Variants in DENND1A observed in about 807,000 individuals in gnomAD.
DENND1A encodes the protein DENN domain-containing protein 1A.
Under a neutral mutation model 113.7 loss-of-function variants are expected in DENND1A, and 51 were observed. The ratio of observed to expected loss-of-function variants is 0.45; its 90% CI spans 0.36 to 0.57. The LOEUF (loss-of-function observed/expected upper bound fraction) is 0.57. DENND1A is among the 20% of genes least tolerant of loss of function. The pLI, the probability that DENND1A is intolerant of heterozygous loss-of-function variation, is 0.00. For missense variants in DENND1A, 1,258 were observed against 1,395.9 expected, an observed-to-expected ratio of 0.90 and a Z score of 1.57; for synonymous variants, 565 against 570.8, an observed-to-expected ratio of 0.99 and a Z score of 0.14.
At chr9:123,837,780 G>A (rs535168558) in intron 2 of DENND1A, among the ~76,000 whole-genome samples, 1 of 152,126 alleles carries the variant, frequency 6.6e-6, no homozygotes, top group Non-Finnish European at 1.5e-5. Context: ...AAGAAAAACA[G>A]TGCTAGTCTA....
At chr9:123,762,426 A>G (rs1433080487) in intron 4 of DENND1A, among the ~76,000 whole-genome samples, 1 of 152,218 alleles carries the variant, frequency 6.6e-6, no homozygotes, top group African/African-American at 2.4e-5. Context: ...GGGCCTCTCC[A>G]GTAGCATTTT....
intron 13 of DENND1A, among the ~76,000 whole-genome samples, chr9:123,511,939 C>T (rs999553495): frequency 1.3e-5 from 2 of 152,196 alleles, no homozygotes; most frequent in Non-Finnish European, 2.9e-5. Context: ...CTCCACTCTG[C>T]TTACATGTGG....
intron 9 of DENND1A, among the ~76,000 whole-genome samples, chr9:123,637,955 A>G (rs113628112): frequency 0.2 from 337 of 1,688 alleles, no homozygotes; most frequent in Middle Eastern, 0.36. Context: ...ACACACGCGC[A>G]CACACACACA....
At chr9:123,458,817 C>T (rs181263669) in intron 13 of DENND1A, among the ~76,000 whole-genome samples, 80 of 152,158 alleles carry the variant, frequency 5.3e-4, no homozygotes, top group East Asian at 1.5e-3. Context: ...CAAAATTAGC[C>T]GGGTGTGGTG....
intron 13 of DENND1A, among the ~76,000 whole-genome samples, chr9:123,513,341 C>G (rs1171210784): frequency 6.6e-6 from 1 of 152,218 alleles, no homozygotes; most frequent in Non-Finnish European, 1.5e-5. Context: ...GTTTCTAAGT[C>G]CTCTTTATAC....
At chr9:123,629,121 G>C (rs1037355994) in intron 10 of DENND1A, among the ~76,000 whole-genome samples, 1 of 152,168 alleles carries the variant, frequency 6.6e-6, no homozygotes, top group Non-Finnish European at 1.5e-5. Context: ...GACCTTTCCA[G>C]TGAGATGATT....
At chr9:123,678,862 G>A (rs983281769) in intron 5 of DENND1A, among the ~76,000 whole-genome samples, 2 of 152,316 alleles carry the variant, frequency 1.3e-5, no homozygotes, top group African/African-American at 2.4e-5. Flanking sequence ...GCAGAGTAAT[G>A]TAAACATTCA....
At chr9:123,549,962 T>C (rs2135842720) in intron 13 of DENND1A, among the ~76,000 whole-genome samples, 1 of 152,366 alleles carries the variant, frequency 6.6e-6, no homozygotes, top group Non-Finnish European at 1.5e-5. Context: ...TGTTTTTTCA[T>C]AAACAACTTG....
chr9:123,503,029 G>A (rs531506965), intron 13 of DENND1A, among the ~76,000 whole-genome samples: 1 of 152,292 alleles, frequency 6.6e-6, no homozygotes, highest in African/African-American at 2.4e-5. Flanking sequence ...ATTTAGCAGG[G>A]ATAATACCAC....
chr9:123,414,472 G>C, intron 19 of DENND1A: 1 of 1,522,246 alleles, frequency 6.6e-7, no homozygotes, highest in East Asian at 2.5e-5. Flanking sequence ...CAGGGTGTCT[G>C]CTGAGAAACA....
intron 2 of DENND1A, among the ~76,000 whole-genome samples, chr9:123,874,380 A>AT (rs1174544191): frequency 1.3e-5 from 2 of 152,116 alleles, no homozygotes; most frequent in African/African-American, 4.8e-5. Context: ...TATATAAACA[A>AT]TTTCTTATAA....
chr9:123,789,126 T>A (rs1454030119), intron 3 of DENND1A, among the ~76,000 whole-genome samples: 4 of 151,790 alleles, frequency 2.6e-5, no homozygotes, highest in Non-Finnish European at 5.9e-5. Flanking sequence ...TAACAAAGCC[T>A]GTATTTCCAG....
intron 1 of DENND1A, among the ~76,000 whole-genome samples, chr9:123,916,056 A>T (rs2134089180): frequency 6.6e-6 from 1 of 152,254 alleles, no homozygotes; most frequent in East Asian, 1.9e-4. Context: ...GTATAATGGT[A>T]AAAATACAAA....
At chr9:123,757,895 A>T in intron 4 of DENND1A, 73 bp from the exon 5 acceptor site, 1 of 1,551,718 alleles carries the variant, frequency 6.4e-7, no homozygotes, top group South Asian at 1.1e-5. Context: ...AATCACAATG[A>T]GTCGTTGAAC....
intron 13 of DENND1A, among the ~76,000 whole-genome samples, chr9:123,507,674 C>T (rs2053078192): frequency 6.7e-6 from 1 of 149,978 alleles, no homozygotes; most frequent in Non-Finnish European, 1.5e-5. Flanking sequence ...CATAGCGGGA[C>T]CCTCATCTCT....
intron 1 of DENND1A, among the ~76,000 whole-genome samples, chr9:123,894,953 G>A (rs1258763257): frequency 1.3e-5 from 2 of 152,160 alleles, no homozygotes; most frequent in African/African-American, 4.8e-5. Context: ...TTAAACAAGA[G>A]ACACATGCTG....
intron 18 of DENND1A, among the ~76,000 whole-genome samples, chr9:123,441,366 C>T (rs2046920026): frequency 6.6e-6 from 1 of 152,114 alleles, no homozygotes; most frequent in East Asian, 1.9e-4. Context: ...TGTGTTTGTT[C>T]CTACCCCTTC....
intron 1 of DENND1A, chr9:123,928,839 T>A: frequency 1.0e-6 from 1 of 985,454 alleles, no homozygotes; most frequent in Non-Finnish European, 1.2e-6. Flanking sequence ...ATAAACACAT[T>A]CCACAAACTT....
intron 13 of DENND1A, among the ~76,000 whole-genome samples, chr9:123,468,703 T>C (rs1432837264): frequency 2.6e-5 from 4 of 152,290 alleles, no homozygotes; most frequent in Middle Eastern, 6.8e-3. Flanking sequence ...AAAGCTAGTG[T>C]GGTGTCTGGC....
Sources: allele counts gnomAD v4.1 joint callset (sites outside exome capture counted in the v4.1 genomes callset), GRCh38; gene constraint gnomAD v4.1.1; transcripts MANE v1.5; gene names NCBI Gene and HGNC (gene_info 2026-07-23, HGNC 2026-07-21).